The following EYA2 variants were observed in gnomAD, a reference collection of about 807,000 sequenced individuals.
The protein encoded by EYA2 is EYA transcriptional coactivator and phosphatase 2.
Under a neutral mutation model 69.2 loss-of-function variants are expected in EYA2, and 31 were observed. That is an observed-to-expected ratio of 0.45 (90% confidence interval 0.34 to 0.60). The LOEUF (loss-of-function observed/expected upper bound fraction) is 0.60, where lower values mean the gene tolerates loss of function less well. Among genes scored for constraint, EYA2 ranks in the 20% least tolerant of loss-of-function variants. The pLI is 0.02. For synonymous variants in EYA2, 257 were observed against 279.4 expected (o/e 0.92, Z 0.80); for missense variants, 622 against 701.2 (o/e 0.89, Z 1.28).
chr20:47,161,657 A>C, intron 10 of EYA2: 1 of 193,428 alleles, frequency 5.2e-6, no homozygotes, highest in Non-Finnish European at 1.1e-5. Context: ...CACAGAAGCC[A>C]CCGTGGTTCC....
At chr20:47,026,922 A>G (rs996166198) in intron 5 of EYA2, among the ~76,000 whole-genome samples, 8 of 152,246 alleles carry the variant, frequency 5.3e-5, no homozygotes, top group African/African-American at 1.7e-4. Flanking sequence ...TGGACAATTG[A>G]TATACACTCT....
At chr20:46,993,657 G>A (rs941041181) in intron 2 of EYA2, among the ~76,000 whole-genome samples, 1 of 152,244 alleles carries the variant, frequency 6.6e-6, no homozygotes, top group Non-Finnish European at 1.5e-5. Flanking sequence ...CTAGGGTGCT[G>A]ACAAAGCAAA....
intron 9 of EYA2, among the ~76,000 whole-genome samples, chr20:47,130,060 A>G (rs1267646096): frequency 6.7e-6 from 1 of 149,830 alleles, no homozygotes; most frequent in East Asian, 2.0e-4. Flanking sequence ...GATGGCTAGC[A>G]TCAGGGTCTG....
chr20:47,035,762 C>G (rs907496334), intron 5 of EYA2, among the ~76,000 whole-genome samples: 3 of 151,590 alleles, frequency 2.0e-5, no homozygotes, highest in African/African-American at 7.3e-5. Flanking sequence ...ATACCTGTAA[C>G]TTTGGGAAAC....
intron 1 of EYA2, chr20:46,901,323 C>G (rs1005923321): frequency 2.6e-5 from 4 of 152,210 alleles, no homozygotes; most frequent in African/African-American, 9.6e-5. Context: ...CCTCCCATTC[C>G]CTTCCTATAG....
At chr20:47,151,534 G>A (rs1259379050) in intron 10 of EYA2, among the ~76,000 whole-genome samples, 3 of 151,454 alleles carry the variant, frequency 2.0e-5, no homozygotes, top group Admixed American at 2.0e-4. Context: ...TTCTGCCCAC[G>A]CCATGCCCTC....
chr20:47,176,335 C>T (rs147682904), intron 12 of EYA2, among the ~76,000 whole-genome samples: 4,212 of 152,218 alleles, frequency 0.028, 87 homozygotes, highest in Middle Eastern at 0.044. Context: ...CCGTCTCAGC[C>T]TCCCAAAGTA....
At chr20:47,081,048 A>G (rs1283213332) in intron 7 of EYA2, among the ~76,000 whole-genome samples, 1 of 152,064 alleles carries the variant, frequency 6.6e-6, no homozygotes, top group Non-Finnish European at 1.5e-5. Flanking sequence ...AATTTTTTGT[A>G]GAGATGGGGA....
At chr20:47,051,153 C>A (rs1002384992) in intron 5 of EYA2, among the ~76,000 whole-genome samples, 1 of 152,270 alleles carries the variant, frequency 6.6e-6, no homozygotes, top group Non-Finnish European at 1.5e-5. Context: ...CCGGACTTTC[C>A]CTCTCGTTGA....
chr20:46,910,539 G>T (rs998610531), intron 1 of EYA2, among the ~76,000 whole-genome samples: 1 of 152,164 alleles, frequency 6.6e-6, no homozygotes, highest in Non-Finnish European at 1.5e-5. Context: ...TAGGACATGC[G>T]CTGGGCTTCA....
At chr20:46,960,312 T>A (rs1426693009) in intron 1 of EYA2, among the ~76,000 whole-genome samples, 1 of 152,020 alleles carries the variant, frequency 6.6e-6, no homozygotes, top group African/African-American at 2.4e-5. Context: ...ACGGGACACA[T>A]CTAGTAGGAG....
intron 1 of EYA2, among the ~76,000 whole-genome samples, chr20:46,963,298 G>A (rs1979583246): frequency 6.6e-6 from 1 of 152,190 alleles, no homozygotes; most frequent in Non-Finnish European, 1.5e-5. Flanking sequence ...GCAGGCAAAA[G>A]CTGGGTCTGT....
At chr20:47,185,424 C>A (rs1481922410) in intron 15 of EYA2, among the ~76,000 whole-genome samples, 1 of 151,728 alleles carries the variant, frequency 6.6e-6, no homozygotes, top group Non-Finnish European at 1.5e-5. Flanking sequence ...CCTCAGCCTC[C>A]TGAGTAGCTG....
chr20:47,062,711 T>C (rs1454466745), intron 5 of EYA2, among the ~76,000 whole-genome samples: 1 of 152,250 alleles, frequency 6.6e-6, no homozygotes, highest in African/African-American at 2.4e-5. Context: ...GTCCTCCCTC[T>C]GTCCAGAAGA....
At chr20:47,077,620 C>G (rs377046127) in intron 7 of EYA2, among the ~76,000 whole-genome samples, 26 of 152,216 alleles carry the variant, frequency 1.7e-4, no homozygotes, top group African/African-American at 6.3e-4. Flanking sequence ...CTTAAATTTT[C>G]CATCACTGGG....
intron 9 of EYA2, among the ~76,000 whole-genome samples, chr20:47,136,509 T>G (rs2146587954): frequency 6.6e-6 from 1 of 152,264 alleles, no homozygotes; most frequent in East Asian, 1.9e-4. Flanking sequence ...TTTGGGAGGC[T>G]GAGGCAAGAG....
intron 5 of EYA2, among the ~76,000 whole-genome samples, chr20:47,048,172 A>G (rs562258857): frequency 6.6e-6 from 1 of 152,350 alleles, no homozygotes; most frequent in South Asian, 2.1e-4. Flanking sequence ...TACCACAGAT[A>G]CACAGAAACA....
At chr20:46,974,635 C>T (rs372760928) in intron 1 of EYA2, among the ~76,000 whole-genome samples, 40 of 152,158 alleles carry the variant, frequency 2.6e-4, no homozygotes, top group African/African-American at 8.9e-4. Context: ...TTCGTGTTGT[C>T]CAGCCATCCT....
intron 1 of EYA2, among the ~76,000 whole-genome samples, chr20:46,960,123 AT>A (rs1291168681): frequency 1.3e-5 from 2 of 152,194 alleles, no homozygotes; most frequent in African/African-American, 4.8e-5. Flanking sequence ...TTTTCTATCC[AT>A]TATTCGAAGG....
Sources: gnomAD v4.1 joint callset for allele counts (sites outside exome capture counted in the v4.1 genomes callset) on GRCh38, gnomAD v4.1.1 for gene constraint, MANE v1.5 for transcripts, NCBI Gene and HGNC (gene_info 2026-07-23, HGNC 2026-07-21) for gene names.